Variants in UHRF2 observed in about 807,000 individuals in gnomAD.
UHRF2 encodes ubiquitin like with PHD and ring finger domains 2, also known as E3 ubiquitin-protein ligase UHRF2.
Under a neutral mutation model 96.8 loss-of-function variants are expected in UHRF2, and 23 were observed. The ratio of observed to expected loss-of-function variants is 0.24; its 90% CI spans 0.17 to 0.34. The LOEUF (loss-of-function observed/expected upper bound fraction) is 0.34. Ranked by LOEUF, UHRF2 falls within the 10% of genes least tolerant of loss-of-function variation. The pLI is 1.00. For missense variants in UHRF2, 685 were observed against 981.5 expected (o/e 0.70, Z 4.04); for synonymous variants, 385 against 332.6 (o/e 1.16, Z -1.72).
Position 6,421,221 on chromosome 9 carries a change from A to T in UHRF2, c.384+79A>T, listed in dbSNP as rs1227757099. The T allele has an allele frequency of 3.7e-6, 4 of 1,076,162 alleles. No homozygotes were observed. The East Asian group carries it at 1.0e-4, about 28-fold the overall frequency. The allele number at this position is 1,076,162 out of a possible 1,614,324, so 66.7% of individuals were successfully genotyped here. On this transcript the variant is annotated intron_variant, in intron 2 of 15. Transcript: ENST00000276893. ...CTGTTCAGGATGTTTTGAATAAGTA[A>T]ACATTGATTGCCATTTGAAAGTAAA...
At chr9:6,455,747 G>A (rs969860329) in intron 3 of UHRF2, among the ~76,000 whole-genome samples, 1 of 151,688 alleles carries the variant, frequency 6.6e-6, no homozygotes. Flanking sequence ...CACTTTGGGA[G>A]GCCAAGATGG....
chr9:6,503,707 A>G (rs1816426227), intron 14 of UHRF2, among the ~76,000 whole-genome samples: 1 of 152,170 alleles, frequency 6.6e-6, no homozygotes, highest in Non-Finnish European at 1.5e-5. Flanking sequence ...AGAAGATTGA[A>G]TAGATAATAC....
chr9:6,430,121 C>T (rs1017415430), intron 2 of UHRF2, among the ~76,000 whole-genome samples: 1 of 152,198 alleles, frequency 6.6e-6, no homozygotes, highest in Non-Finnish European at 1.5e-5. Flanking sequence ...AGTGATTGTC[C>T]TGCCTCAGCC....
At chr9:6,477,106 G>A (rs541936510) in intron 5 of UHRF2, among the ~76,000 whole-genome samples, 110 of 152,068 alleles carry the variant, frequency 7.2e-4, no homozygotes, top group African/African-American at 2.4e-3. Flanking sequence ...GGTGGCAGGC[G>A]CCTGTAATCC....
intron 13 of UHRF2, 22 bp downstream of exon 13, chr9:6,499,953 T>C: frequency 6.6e-7 from 1 of 1,525,234 alleles, no homozygotes; most frequent in Non-Finnish European, 9.0e-7. Flanking sequence ...TTGCAAAATA[T>C]AAATAATAAT....
intron 3 of UHRF2, among the ~76,000 whole-genome samples, chr9:6,441,751 T>A (rs951729535): frequency 2.6e-5 from 4 of 152,122 alleles, no homozygotes; most frequent in Non-Finnish European, 4.4e-5. Context: ...TTTTTCCATT[T>A]TATTTCCTTA....
intron 2 of UHRF2, among the ~76,000 whole-genome samples, chr9:6,432,897 C>G (rs1164139249): frequency 6.6e-6 from 1 of 151,630 alleles, no homozygotes; most frequent in Non-Finnish European, 1.5e-5. Context: ...CTGGAGTGCA[C>G]TGGCACGATC....
chr9:6,463,402 A>G (rs1822670232), intron 4 of UHRF2, among the ~76,000 whole-genome samples: 2 of 152,176 alleles, frequency 1.3e-5, no homozygotes, highest in South Asian at 4.1e-4. Context: ...ATTCTTTGTC[A>G]TTAAAGTTTT....
At chr9:6,466,335 C>G (rs1822856066) in intron 4 of UHRF2, among the ~76,000 whole-genome samples, 1 of 152,048 alleles carries the variant, frequency 6.6e-6, no homozygotes, top group Admixed American at 6.6e-5. Flanking sequence ...GTCAGGAGTT[C>G]TAGACCAACC....
At chr9:6,439,506 C>G (rs978031721) in intron 3 of UHRF2, among the ~76,000 whole-genome samples, 2 of 152,212 alleles carry the variant, frequency 1.3e-5, no homozygotes, top group African/African-American at 2.4e-5. Flanking sequence ...GTTAAGCTGT[C>G]AACTTTGTGG....
At chr9:6,472,675 C>G (rs1053710935) in intron 4 of UHRF2, among the ~76,000 whole-genome samples, 19 of 152,200 alleles carry the variant, frequency 1.2e-4, no homozygotes, top group African/African-American at 4.6e-4. Flanking sequence ...TATGTACTGG[C>G]TCTATGACCT....
intron 3 of UHRF2, among the ~76,000 whole-genome samples, chr9:6,460,344 T>C (rs1470966820): frequency 6.6e-6 from 1 of 152,152 alleles, no homozygotes; most frequent in Non-Finnish European, 1.5e-5. Context: ...CTCCAAGGCC[T>C]AGTGGGAATG....
At chr9:6,434,210 T>C (rs1820705985) in intron 3 of UHRF2, 37 bp downstream of exon 3, 1 of 1,567,086 alleles carries the variant, frequency 6.4e-7, no homozygotes, top group African/African-American at 1.4e-5. Flanking sequence ...TATTCATATT[T>C]TCATTTGTAG....
At chr9:6,429,079 TG>T (rs1820429648) in intron 2 of UHRF2, among the ~76,000 whole-genome samples, 1 of 151,892 alleles carries the variant, frequency 6.6e-6, no homozygotes, top group Non-Finnish European at 1.5e-5. Flanking sequence ...GCAGGAGAAT[TG>T]CTTGTACCTG....
chr9:6,486,764 G>T, intron 8 of UHRF2, 57 bp from the exon 9 acceptor site: 1 of 1,540,414 alleles, frequency 6.5e-7, no homozygotes, highest in East Asian at 2.3e-5. Flanking sequence ...AAAGCATTTT[G>T]TAAATGTATC....
At chr9:6,429,659 A>G (rs1413795751) in intron 2 of UHRF2, among the ~76,000 whole-genome samples, 2 of 152,182 alleles carry the variant, frequency 1.3e-5, no homozygotes, top group Non-Finnish European at 2.9e-5. Context: ...GAGTCTTAAC[A>G]TTGAACGTAT....
intron 3 of UHRF2, among the ~76,000 whole-genome samples, chr9:6,445,998 T>TTTTTTTTCC (rs772184475): frequency 2.3e-5 from 3 of 129,870 alleles, no homozygotes; most frequent in African/African-American, 5.8e-5. Flanking sequence ...TTTTTTTTTT[T>TTTTTTTTCC]TTCCTGTTTT....
At chr9:6,478,519 A>G (rs1423264721) in intron 6 of UHRF2, among the ~76,000 whole-genome samples, 1 of 152,192 alleles carries the variant, frequency 6.6e-6, no homozygotes, top group Non-Finnish European at 1.5e-5. Context: ...GCCAAAATCT[A>G]TTTTTCTCCT....
chr9:6,498,593 C>A (rs1006404931), intron 12 of UHRF2: 1 of 154,698 alleles, frequency 6.5e-6, no homozygotes, highest in African/African-American at 2.4e-5. Flanking sequence ...CACCCCTTTT[C>A]TCTCTTCCCC....
Sources: gnomAD v4.1 joint callset for allele counts (sites outside exome capture counted in the v4.1 genomes callset) on GRCh38, gnomAD v4.1.1 for gene constraint, MANE v1.5 for transcripts, NCBI Gene and HGNC (gene_info 2026-07-23, HGNC 2026-07-21) for gene names.